Variants in KIAA1217 observed in about 807,000 individuals in gnomAD.
KIAA1217 encodes sickle tail protein homolog.
In KIAA1217, 88 loss-of-function variants were observed where a neutral mutation model predicts 163.9. That is an observed-to-expected ratio of 0.54 (90% CI 0.45 to 0.64). KIAA1217 has a LOEUF of 0.64. KIAA1217 is among the 30% of genes least tolerant of loss of function. The pLI, the probability that KIAA1217 is intolerant of heterozygous loss-of-function variation, is 0.00. For synonymous variants in KIAA1217, 903 were observed against 923.1 expected (o/e 0.98, Z 0.39); for missense variants, 2,372 against 2,475.0 (o/e 0.96, Z 0.88).
rs1794738092 is a variant in KIAA1217 at position 23,949,017 on chromosome 10, CT to C, written c.-320-58207del. On this transcript the variant is annotated intron_variant, in intron 1 of 18. Transcript: ENST00000376462. Reference sequence around the variant, plus strand: ...TTGGTAGCACAGATATGAAAGGTACCTAAATAAATAATGCAATGTACTCTAA... The same window carrying C: ...TTGGTAGCACAGATATGAAAGGTACCAAATAAATAATGCAATGTACTCTAA... Among the ~76,000 whole-genome samples the C allele has an allele frequency of 2.0e-5, 3 of 151,890 alleles. No homozygotes were observed. In the South Asian group the frequency reaches 6.2e-4, roughly 32 times the overall value.
At chr10:24,499,997 C>T (rs1208924294) in intron 8 of KIAA1217, among the ~76,000 whole-genome samples, 1 of 152,126 alleles carries the variant, frequency 6.6e-6, no homozygotes, top group Non-Finnish European at 1.5e-5. Context: ...CTTTGAGCTC[C>T]ACTGGGGCCT....
chr10:23,879,808 C>A (rs952759999), intron 1 of KIAA1217, among the ~76,000 whole-genome samples: 2 of 151,470 alleles, frequency 1.3e-5, no homozygotes, highest in South Asian at 4.2e-4. Context: ...GGAAATGATC[C>A]AATAATAGAG....
chr10:24,493,034 CG>C (rs955144223), intron 6 of KIAA1217, among the ~76,000 whole-genome samples: 2 of 152,070 alleles, frequency 1.3e-5, no homozygotes, highest in Admixed American at 1.3e-4. Context: ...ATAGTAGAGA[CG>C]GGGTTTCACC....
At chr10:24,141,198 G>A (rs2064051895) in intron 2 of KIAA1217, among the ~76,000 whole-genome samples, 3 of 146,136 alleles carry the variant, frequency 2.1e-5, no homozygotes, top group Admixed American at 1.4e-4. Context: ...GCAAAAAGGA[G>A]TCTCTTAATG....
chr10:24,494,746 AT>A (rs1221868718), intron 7 of KIAA1217, 142 bp downstream of exon 7: 4 of 678,968 alleles, frequency 5.9e-6, no homozygotes, highest in Non-Finnish European at 7.2e-6. Context: ...CATGGGCGTT[AT>A]TTTTTTGTTT....
At chr10:23,956,104 A>G (rs1382418858) in intron 1 of KIAA1217, among the ~76,000 whole-genome samples, 4 of 152,200 alleles carry the variant, frequency 2.6e-5, no homozygotes, top group African/African-American at 7.2e-5. Context: ...GAAGACAAAT[A>G]ACTCTCAAAG....
chr10:23,992,456 T>C (rs913423208), intron 1 of KIAA1217, among the ~76,000 whole-genome samples: 2 of 152,108 alleles, frequency 1.3e-5, no homozygotes, highest in African/African-American at 4.8e-5. Flanking sequence ...AGGAGAGGGA[T>C]GGAGGCTGAC....
At chr10:23,975,937 C>T (rs1589168872) in intron 1 of KIAA1217, among the ~76,000 whole-genome samples, 1 of 152,282 alleles carries the variant, frequency 6.6e-6, no homozygotes, top group Non-Finnish European at 1.5e-5. Flanking sequence ...CCTGTCAGGG[C>T]TGGCCATTCA....
At chr10:24,469,804 G>T (rs1213329554) in intron 5 of KIAA1217, among the ~76,000 whole-genome samples, 1 of 152,088 alleles carries the variant, frequency 6.6e-6, no homozygotes, top group Non-Finnish European at 1.5e-5. Flanking sequence ...TAGAGAGGGG[G>T]TTTTGCCACG....
chr10:24,264,940 T>A (rs1045176698), intron 2 of KIAA1217, among the ~76,000 whole-genome samples: 1 of 152,022 alleles, frequency 6.6e-6, no homozygotes, highest in African/African-American at 2.4e-5. Flanking sequence ...CAGCCTCAAC[T>A]TCTGGGCTCA....
At chr10:24,132,522 G>A (rs1445290658) in intron 2 of KIAA1217, among the ~76,000 whole-genome samples, 1 of 152,160 alleles carries the variant, frequency 6.6e-6, no homozygotes, top group African/African-American at 2.4e-5. Context: ...CTGCCCTCCG[G>A]CAGGACCCAG....
intron 2 of KIAA1217, among the ~76,000 whole-genome samples, chr10:24,373,373 T>C (rs1889874): frequency 0.16 from 24,619 of 152,074 alleles, 2,296 homozygotes; most frequent in South Asian, 0.31. Context: ...CTTCTGGAGG[T>C]AAGTCCAGAC....
At chr10:24,314,786 CA>C (rs1231410329) in intron 2 of KIAA1217, among the ~76,000 whole-genome samples, 2 of 151,442 alleles carry the variant, frequency 1.3e-5, no homozygotes, top group African/African-American at 4.9e-5. Context: ...ACTAAAAATA[CA>C]AAAAAAATCA....
At chr10:24,291,754 C>G (rs2079108671) in intron 2 of KIAA1217, among the ~76,000 whole-genome samples, 2 of 151,916 alleles carry the variant, frequency 1.3e-5, no homozygotes, top group Admixed American at 1.3e-4. Context: ...TGCTTTACTA[C>G]TCCGATGTGG....
chr10:24,273,768 G>A (rs958295734), intron 2 of KIAA1217, among the ~76,000 whole-genome samples: 5 of 150,404 alleles, frequency 3.3e-5, no homozygotes, highest in South Asian at 2.1e-4. Flanking sequence ...CTGGAGAATC[G>A]CCTGAGCACA....
At chr10:24,220,428 G>A (rs1031321005) in intron 2 of KIAA1217, among the ~76,000 whole-genome samples, 2 of 148,384 alleles carry the variant, frequency 1.3e-5, no homozygotes, top group Non-Finnish European at 3.0e-5. Flanking sequence ...CTGACATTAG[G>A]GTTTTGTTTC....
intron 2 of KIAA1217, among the ~76,000 whole-genome samples, chr10:24,032,699 A>C (rs1374234863): frequency 6.6e-6 from 1 of 152,206 alleles, no homozygotes; most frequent in Non-Finnish European, 1.5e-5. Flanking sequence ...ATCTGAATAT[A>C]TATTACTGTT....
chr10:24,210,144 G>A (rs1297364764), intron 1 of KIAA1217, among the ~76,000 whole-genome samples: 1 of 150,984 alleles, frequency 6.6e-6, no homozygotes, highest in African/African-American at 2.4e-5. Flanking sequence ...CGGGAGTGCA[G>A]TGCTGTGCGT....
intron 3 of KIAA1217, among the ~76,000 whole-genome samples, chr10:24,381,591 G>A (rs766097857): frequency 6.6e-6 from 1 of 152,196 alleles, no homozygotes; most frequent in Non-Finnish European, 1.5e-5. Flanking sequence ...CTGATGATCC[G>A]AGATGGAGCA....
Sources: allele counts gnomAD v4.1 joint callset (sites outside exome capture counted in the v4.1 genomes callset), GRCh38; gene constraint gnomAD v4.1.1; transcripts MANE v1.5; gene names NCBI Gene and HGNC (gene_info 2026-07-23, HGNC 2026-07-21).